Variants in SLC35B2 observed in about 807,000 individuals in gnomAD.
SLC35B2 encodes the protein adenosine 3'-phospho 5'-phosphosulfate transporter 1.
SLC35B2 carries 19 observed loss-of-function variants against 37.9 expected under a neutral mutation model. The ratio of observed to expected loss-of-function variants is 0.50; its 90% CI spans 0.35 to 0.74. The LOEUF (loss-of-function observed/expected upper bound fraction) is 0.74. SLC35B2 is among the 30% of genes least tolerant of loss of function. The pLI is 0.01. For synonymous variants in SLC35B2, 277 were observed against 225.2 expected (o/e 1.23, Z -2.06); for missense variants, 633 against 547.6 (o/e 1.16, Z -1.56).
chr6:44,256,412 C>A lies in SLC35B2; in HGVS notation c.290G>T (p.Arg97Leu). ...KASDEVPLAP[R>L]TEAAETTPMW... The stretch of plus-strand genomic sequence containing the variant: ...CGGGGTGGTCTCTGCCGCCTCTGTT[C>A]GGGGCGCCAGGGGAACCTCATCAGA... The change falls in exon 3 of 4, where the codon CGA becomes CTA. Residue 97 changes from arginine (R) to leucine (L), a missense_variant. By Grantham distance (102) the Arg-to-Leu change is moderately radical. Transcript: ENST00000393812. The A allele has an allele frequency of 6.2e-7, 1 of 1,614,204 alleles. No homozygotes were observed. Among genetic ancestry groups the A allele is most frequent in the Non-Finnish European group, 8.5e-7 (1 of 1,180,040 alleles).
At chr6:44,256,977 G>T in intron 1 of SLC35B2, 99 bp from the exon 2 acceptor site, 5 of 1,249,906 alleles carry the variant, frequency 4.0e-6, no homozygotes, top group Non-Finnish European at 5.4e-6. Flanking sequence ...TCTCCTCCCC[G>T]CCCCCTCCGC....
At chr6:44,257,223 G>T in intron 1 of SLC35B2, 177 bp downstream of exon 1, 1 of 677,026 alleles carries the variant, frequency 1.5e-6, no homozygotes, top group Non-Finnish European at 2.1e-6. Flanking sequence ...CCCTCCGCCC[G>T]AAGCTCCCCA....
chr6:44,256,017 A>AT (rs1197983090), intron 3 of SLC35B2, among the ~76,000 whole-genome samples: 1 of 152,224 alleles, frequency 6.6e-6, no homozygotes, highest in Non-Finnish European at 1.5e-5. Flanking sequence ...GGTTTACAGT[A>AT]TGTGAGACAC....
Position 44,255,547 on chromosome 6 carries a change from T to C in SLC35B2, c.458A>G (p.Gln153Arg). ...CACTCGGTTCATTAGCACCAGGAAC[T>C]GCGAGTCCGTAAAGCGCTCACCCGG... The part of the protein sequence containing the change: ...TSPGERFTDS[Q>R]FLVLMNRVLA... Residue 153 changes from glutamine to arginine, a missense_variant, in exon 4 of 4, where the codon CAG (glutamine) becomes CGG (arginine). Coordinates refer to ENST00000393812, the MANE Select transcript of SLC35B2 (RefSeq NM_178148.4). 1 of 1,614,160 alleles carries C rather than the reference T, an allele frequency of 6.2e-7. No individual in the cohort carries two copies. The highest frequency in any genetic ancestry group is 8.5e-7 in the Non-Finnish European group (1 of 1,180,036).
chr6:44,254,812 A>AC lies in SLC35B2; in HGVS notation c.1192dup (p.Val398GlyfsTer29). ...CAGGAGGGCAGCAAAGACCACAGCC[A>AC]CCCCCAGCCCTCCCACCACAGTGAC... is the stretch of plus-strand genomic sequence containing the variant. On this transcript the variant is annotated frameshift_variant, in exon 4 of 4. Coordinates refer to ENST00000393812, the MANE Select transcript of SLC35B2 (RefSeq NM_178148.4). LOFTEE classifies it high-confidence loss of function. The AC allele has an allele frequency of 1.2e-6, 2 of 1,613,974 alleles. No homozygotes were observed. Among genetic ancestry groups the AC allele is most frequent in the Non-Finnish European group, 1.7e-6 (2 of 1,179,990 alleles).
At chr6:44,256,955 T>C in intron 1 of SLC35B2, 77 bp from the exon 2 acceptor site, 1 of 1,425,322 alleles carries the variant, frequency 7.0e-7, no homozygotes, top group Non-Finnish European at 9.4e-7. Flanking sequence ...CACACTGGAG[T>C]AGTGCCCGGA....
chr6:44,257,844 G>A (rs1375221395), upstream of SLC35B2: 1 of 152,610 alleles, frequency 6.6e-6, no homozygotes, highest in Non-Finnish European at 1.5e-5. Flanking sequence ...CCCGTTTTCT[G>A]ACAGGATGAA....
chr6:44,257,277 G>T, intron 1 of SLC35B2, 123 bp downstream of exon 1: 1 of 1,131,700 alleles, frequency 8.8e-7, no homozygotes, highest in Non-Finnish European at 1.1e-6. Flanking sequence ...CGCTGGCTCC[G>T]GGCAGCGATA....
intron 1 of SLC35B2, 101 bp downstream of exon 1, chr6:44,257,299 G>A (rs1350944062): frequency 4.0e-6 from 5 of 1,249,982 alleles, no homozygotes; most frequent in East Asian, 3.2e-5. Context: ...GCTGGCCGAC[G>A]GCCGAGCAGC....
intron 3 of SLC35B2, 67 bp downstream of exon 3, chr6:44,256,275 A>C: frequency 6.5e-7 from 1 of 1,548,292 alleles, no homozygotes; most frequent in Non-Finnish European, 8.7e-7. Context: ...GGTAAAATGG[A>C]AACCTTCACA....
chr6:44,254,867 G>A lies in SLC35B2; in HGVS notation c.1138C>T (p.Leu380Phe), dbSNP rs1368598150. Residue 380 changes from leucine (L) to phenylalanine (F), a missense_variant, in exon 4 of 4, where the codon CTT (leucine) becomes TTT (phenylalanine). By Grantham distance (22) the Leu-to-Phe change is conservative. Transcript: ENST00000393812. ...TGGCCATAGAGAAGGCAGGAAAGAAGGATGGCAAAGGCCTGGCGGAGGGTC... is the reference window on the plus strand; with the variant it reads ...TGGCCATAGAGAAGGCAGGAAAGAAAGATGGCAAAGGCCTGGCGGAGGGTC... ...IMTLRQAFAI[L>F]LSCLLYGHTV... 2 of 1,614,220 alleles carry A rather than the reference G, an allele frequency of 1.2e-6. No individual in the cohort carries two copies. Among genetic ancestry groups the A allele is most frequent in the South Asian group, 1.1e-5 (1 of 91,078 alleles).
At position 44,255,107 on chromosome 6, in the gene SLC35B2, C is replaced by G. The variant is rs780509185; in HGVS notation, c.898G>C (p.Val300Leu). 1.2e-6 allele frequency: 2 copies of G among 1,614,212 alleles called. No individual in the cohort carries two copies. Among genetic ancestry groups the G allele is most frequent in the South Asian group, 1.1e-5 (1 of 91,084 alleles). Residue 300 changes from valine to leucine, a missense_variant, in exon 4 of 4, where the codon GTG (valine) becomes CTG (leucine). Coordinates refer to ENST00000393812, the MANE Select transcript of SLC35B2 (RefSeq NM_178148.4). ...AAATTGACCCCAAACATCATCTGCA[C>G]CGATGACATCTTATAGGCAAACAGG... ...DALFAYKMSS[V>L]QMMFGVNFFS...
rs774573933 is a variant in SLC35B2, at chr6:44,255,116, T to C, written c.889A>G (p.Met297Val). Reference sequence around the variant, plus strand: ...CCAAACATCATCTGCACCGATGACATCTTATAGGCAAACAGGGCATCCTGC... The same window carrying C: ...CCAAACATCATCTGCACCGATGACACCTTATAGGCAAACAGGGCATCCTGC... ...NWQDALFAYK[M>V]SSVQMMFGVN... Residue 297 changes from methionine (M) to valine (V), a missense_variant, in exon 4 of 4, where the codon ATG (methionine) becomes GTG (valine). Coordinates refer to ENST00000393812, the MANE Select transcript of SLC35B2 (RefSeq NM_178148.4). 1 of 1,614,110 alleles carries C rather than the reference T, an allele frequency of 6.2e-7. No homozygotes were observed. Among genetic ancestry groups the C allele is most frequent in the Non-Finnish European group, 8.5e-7 (1 of 1,180,008 alleles).
chr6:44,257,634 G>A, upstream of SLC35B2: 1 of 212,458 alleles, frequency 4.7e-6, no homozygotes, highest in Non-Finnish European at 8.6e-6. Context: ...CGGCCCGGAG[G>A]CAGACGCGGC....
At position 44,255,192 on chromosome 6, in the gene SLC35B2, G is replaced by A. The variant is rs1054689381; in HGVS notation, c.813C>T (p.Gly271=). 3.1e-6 allele frequency: 5 copies of A among 1,614,122 alleles called. No homozygotes were observed. The African/African-American group carries it at 4.0e-5, about 13-fold the overall frequency. Residue 271 remains glycine, a synonymous_variant, in exon 4 of 4, where the codon GGC becomes GGT. Coordinates refer to ENST00000393812, the MANE Select transcript of SLC35B2 (RefSeq NM_178148.4). ...PRSSPATTLS[G]LILLAGYIAF... The stretch of plus-strand genomic sequence containing the variant: ...CAATATAACCTGCCAGTAAGATGAG[G>A]CCTGAGAGTGTGGTGGCTGGGGAGC...
chr6:44,256,760 C>A lies in SLC35B2; in HGVS notation c.130G>T (p.Ala44Ser). 6 of 1,614,208 alleles carry A rather than the reference C, an allele frequency of 3.7e-6. No homozygotes were observed. The highest frequency in any genetic ancestry group is 5.1e-6 in the Non-Finnish European group (6 of 1,180,032). ...GGTACCATAAAGCTGGCATAGCCAG[C>A]AGCATTCACCACAAATCGGAAGAAC... ...LWFFRFVVNA[A>S]GYASFMVPGY... Residue 44 changes from alanine to serine, a missense_variant, in exon 2 of 4, where the codon GCT becomes TCT. Coordinates refer to ENST00000393812, the MANE Select transcript of SLC35B2 (RefSeq NM_178148.4).
rs1400283729 is a variant in SLC35B2 at position 44,254,624 on chromosome 6, C to G, written c.*82G>C. On this transcript the variant is annotated 3_prime_UTR_variant, in exon 4 of 4. Coordinates refer to ENST00000393812, the MANE Select transcript of SLC35B2 (RefSeq NM_178148.4). Reference sequence around the variant, plus strand: ...AGAAAACACCTGCATTTTGCCCTTTCAGCCAGCTCCCTCAGAGGTTACAGC... The same window carrying G: ...AGAAAACACCTGCATTTTGCCCTTTGAGCCAGCTCCCTCAGAGGTTACAGC... 4 of 1,470,898 alleles carry G rather than the reference C, an allele frequency of 2.7e-6. No homozygotes were observed. The highest frequency in any genetic ancestry group is 2.0e-4 in the Middle Eastern group (1 of 4,960). The allele number at this position is 1,470,898 out of a possible 1,614,324, so 91.1% of individuals were successfully genotyped here. A position where few individuals can be genotyped will look rare whatever the true frequency, so the allele number is the denominator to read the frequency against.
rs757164153 is a variant in SLC35B2 at position 44,254,779 on chromosome 6, ACT to A, written c.1224_1225del (p.Arg408SerfsTer18). The A allele has an allele frequency of 5.1e-5, 83 of 1,613,638 alleles. No individual in the cohort carries two copies. The highest frequency in any genetic ancestry group is 6.7e-5 in the East Asian group (3 of 44,870). ...TTGCTTTAGACGGCCCCGCGCGTAG[ACT>A]CTGAGCAGGAGGGCAGCAAAGACCA... On this transcript the variant is annotated frameshift_variant, in exon 4 of 4. Transcript: ENST00000393812. LOFTEE classifies it high-confidence loss of function.
At chr6:44,256,037 A>ACAGTATGTGAGACACCAGTGCAGGG (rs1781425054) in intron 3 of SLC35B2, among the ~76,000 whole-genome samples, 1 of 112,286 alleles carries the variant, frequency 8.9e-6, no homozygotes, top group African/African-American at 3.5e-5. Context: ...CCAGTGCAGG[A>ACAGTATGTGAGACACCAGTGCAGGG]AGGAAGTATA....
Sources: gnomAD v4.1 joint callset for allele counts (sites outside exome capture counted in the v4.1 genomes callset) on GRCh38, gnomAD v4.1.1 for gene constraint, MANE v1.5 for transcripts, NCBI Gene and HGNC (gene_info 2026-07-23, HGNC 2026-07-21) for gene names.